Variants in MARK1 observed in about 807,000 individuals in gnomAD.
MARK1 encodes the protein microtubule affinity regulating kinase 1.
MARK1 carries 40 observed loss-of-function variants against 96.3 expected under a neutral mutation model. The ratio of observed to expected loss-of-function variants is 0.42; its 90% CI spans 0.32 to 0.54. The LOEUF is 0.54. Among genes scored for constraint, MARK1 ranks in the 20% least tolerant of loss-of-function variants. The pLI, the probability that MARK1 is intolerant of heterozygous loss-of-function variation, is 0.16. For missense variants in MARK1, 719 were observed against 984.6 expected (o/e 0.73, Z 3.61); for synonymous variants, 317 against 341.2 (o/e 0.93, Z 0.78).
chr1:220,555,000 C>T (rs1662149161), intron 1 of MARK1, among the ~76,000 whole-genome samples: 1 of 152,186 alleles, frequency 6.6e-6, no homozygotes, highest in African/African-American at 2.4e-5. Context: ...CCTTAATTCG[C>T]AGGCCAAGGG....
intron 3 of MARK1, among the ~76,000 whole-genome samples, chr1:220,585,328 G>C (rs1460762192): frequency 6.6e-6 from 1 of 152,158 alleles, no homozygotes; most frequent in Non-Finnish European, 1.5e-5. Context: ...TTTTCACACT[G>C]AAATATGAGG....
At chr1:220,637,236 G>A (rs1236367247) in intron 13 of MARK1, among the ~76,000 whole-genome samples, 2 of 152,086 alleles carry the variant, frequency 1.3e-5, no homozygotes, top group Non-Finnish European at 2.9e-5. Context: ...ATTTTATGTA[G>A]TAACATAAGC....
chr1:220,590,886 C>G (rs984590510), intron 3 of MARK1, among the ~76,000 whole-genome samples: 4 of 152,124 alleles, frequency 2.6e-5, no homozygotes, highest in Admixed American at 6.5e-5. Flanking sequence ...AAACAATATA[C>G]TCAAGACATC....
intron 1 of MARK1, among the ~76,000 whole-genome samples, chr1:220,546,299 A>G (rs1282476816): frequency 6.6e-6 from 1 of 152,246 alleles, no homozygotes; most frequent in Non-Finnish European, 1.5e-5. Flanking sequence ...TTCACATTTC[A>G]TAATGAAACC....
chr1:220,583,756 C>T (rs1329299129), intron 3 of MARK1, among the ~76,000 whole-genome samples: 7 of 150,488 alleles, frequency 4.7e-5, no homozygotes, highest in Non-Finnish European at 1.0e-4. Flanking sequence ...TCAAGCGATT[C>T]TCCTGACTCA....
chr1:220,579,758 A>G (rs1024084979), intron 2 of MARK1, among the ~76,000 whole-genome samples: 1 of 152,184 alleles, frequency 6.6e-6, no homozygotes, highest in East Asian at 1.9e-4. Context: ...AATCATTCCT[A>G]TATATTAGCA....
intron 3 of MARK1, among the ~76,000 whole-genome samples, chr1:220,589,604 C>T (rs561293618): frequency 6.8e-4 from 103 of 152,320 alleles, no homozygotes; most frequent in South Asian, 3.9e-3. Flanking sequence ...ATATAGAAGA[C>T]ATATCTCAGG....
At chr1:220,561,525 G>A (rs1043470783) in intron 1 of MARK1, among the ~76,000 whole-genome samples, 2 of 152,080 alleles carry the variant, frequency 1.3e-5, no homozygotes, top group African/African-American at 4.8e-5. Context: ...TACTTAGAGG[G>A]ATACATGAAA....
intron 1 of MARK1, among the ~76,000 whole-genome samples, chr1:220,547,336 A>T (rs531919014): frequency 3.0e-4 from 46 of 152,332 alleles, no homozygotes; most frequent in African/African-American, 1.1e-3. Context: ...ACCAGTGCCC[A>T]AATAACATCC....
At chr1:220,551,189 AG>A (rs1572063992) in intron 1 of MARK1, among the ~76,000 whole-genome samples, 1 of 152,236 alleles carries the variant, frequency 6.6e-6, no homozygotes, top group African/African-American at 2.4e-5. Flanking sequence ...AGCTGAAGCA[AG>A]TGGTCCAGCG....
At position 220,634,385 on chromosome 1, in the gene MARK1, C is replaced by T. The variant is rs993493087; in HGVS notation, c.1123-991C>T. 5.3e-5 allele frequency among the ~76,000 whole-genome samples: 8 copies of T among 152,270 alleles called. No individual in the cohort carries two copies. In the East Asian group the frequency reaches 1.5e-3, roughly 29 times the overall value. ...CGGAGCCAGCTTCACTGGATCTAAG[C>T]ACCCCCACCCCTGCCCTACCCCAGC... On this transcript the variant is annotated intron_variant, in intron 11 of 17. Coordinates refer to ENST00000366917, the MANE Select transcript of MARK1 (RefSeq NM_018650.5).
rs1669569853 is a variant in MARK1 at position 220,663,147 on chromosome 1, A to G, written c.*981A>G. The G allele has an allele frequency of 6.6e-6, 1 of 152,590 alleles. No homozygotes were observed. The highest frequency in any genetic ancestry group is 1.5e-5 in the Non-Finnish European group (1 of 68,026). 9.5% of individuals were successfully genotyped at this position (152,590 alleles called of 1,614,324 possible). ...TCAGGAATTAACTGGCATTGGGAAC[A>G]TTTGCCTCATTCTCCTGCTATCCTC... On this transcript the variant is annotated 3_prime_UTR_variant, in exon 18 of 18. Coordinates refer to ENST00000366917, the MANE Select transcript of MARK1 (RefSeq NM_018650.5).
At chr1:220,540,129 C>T (rs1399611139) in intron 1 of MARK1, among the ~76,000 whole-genome samples, 1 of 152,110 alleles carries the variant, frequency 6.6e-6, no homozygotes, top group African/African-American at 2.4e-5. Context: ...TCCAGAGAAA[C>T]AAATCCAATA....
At chr1:220,586,025 A>G (rs1334510981) in intron 3 of MARK1, among the ~76,000 whole-genome samples, 5 of 72,182 alleles carry the variant, frequency 6.9e-5, no homozygotes, top group African/African-American at 1.8e-4. Context: ...GCGCGTGCGC[A>G]GAGAGAGAGA....
chr1:220,618,703 ATCT>A lies in MARK1; in HGVS notation c.861_863del (p.Leu288del), dbSNP rs1287595022. The A allele has an allele frequency of 2.5e-6, 4 of 1,612,636 alleles. No individual in the cohort carries two copies. On this transcript the variant is annotated inframe_deletion, in exon 9 of 18. Transcript: ENST00000366917. The surrounding 1 kb of genome is among the most constrained non-coding windows in gnomAD (Gnocchi z 4.6). ...TTCTATATGTCCACAGACTGTGAAA[ATCT>A]TCTGAAGAAATTATTAGTCCTGAAT...
intron 1 of MARK1, among the ~76,000 whole-genome samples, chr1:220,565,192 T>A (rs1662962709): frequency 6.6e-6 from 1 of 152,214 alleles, no homozygotes; most frequent in South Asian, 2.1e-4. Context: ...ATTTTAATTA[T>A]ATCCATCAAA....
intron 1 of MARK1, among the ~76,000 whole-genome samples, chr1:220,576,251 A>G (rs1245604702): frequency 1.3e-5 from 2 of 151,710 alleles, no homozygotes; most frequent in Admixed American, 1.3e-4. Flanking sequence ...AGTTGATTAA[A>G]TCTTGGCTTA....
At chr1:220,589,214 A>C (rs540846459) in intron 3 of MARK1, among the ~76,000 whole-genome samples, 9 of 152,306 alleles carry the variant, frequency 5.9e-5, no homozygotes, top group African/African-American at 2.2e-4. Flanking sequence ...GATGGAGAGA[A>C]AACCATGTGC....
chr1:220,583,917 C>T (rs1351062654), intron 3 of MARK1, among the ~76,000 whole-genome samples: 5 of 150,302 alleles, frequency 3.3e-5, no homozygotes, highest in Non-Finnish European at 5.9e-5. Context: ...ATACCCACCT[C>T]GGCCTCCCAA....
Sources: gnomAD v4.1 joint callset for allele counts (sites outside exome capture counted in the v4.1 genomes callset) on GRCh38, gnomAD v4.1.1 for gene constraint, Gnocchi (gnomAD v3.1) non-coding constraint, MANE v1.5 for transcripts, NCBI Gene and HGNC (gene_info 2026-07-23, HGNC 2026-07-21) for gene names.